The following EXOC6B variants were observed in gnomAD, a reference collection of about 807,000 sequenced individuals.
EXOC6B encodes the protein exocyst complex component 6B.
EXOC6B carries 54 observed loss-of-function variants against 113.5 expected under a neutral mutation model. The observed-to-expected ratio is 0.48, with a 90% CI of 0.38 to 0.60. EXOC6B has a LOEUF of 0.60. Ranked by LOEUF, EXOC6B falls within the 20% of genes least tolerant of loss-of-function variation. EXOC6B has a pLI of 0.00. For synonymous variants in EXOC6B, 357 were observed against 339.0 expected (o/e 1.05, Z -0.58); for missense variants, 797 against 977.5 (o/e 0.82, Z 2.46).
chr2:72,689,301 T>C (rs1677316973), intron 6 of EXOC6B, among the ~76,000 whole-genome samples: 1 of 152,212 alleles, frequency 6.6e-6, no homozygotes, highest in Non-Finnish European at 1.5e-5. Context: ...AACAGTATTA[T>C]ATCTCTAAAC....
At chr2:72,407,525 T>A (rs899271350) in intron 18 of EXOC6B, among the ~76,000 whole-genome samples, 4 of 152,284 alleles carry the variant, frequency 2.6e-5, no homozygotes, top group African/African-American at 9.6e-5. Context: ...CACGATCAAG[T>A]GGGCTTCATC....
chr2:72,352,032 C>T (rs1297068861), intron 19 of EXOC6B, among the ~76,000 whole-genome samples: 1 of 152,166 alleles, frequency 6.6e-6, no homozygotes, highest in Non-Finnish European at 1.5e-5. Context: ...TTTCAGAACA[C>T]ACTTCCTCAC....
intron 8 of EXOC6B, among the ~76,000 whole-genome samples, chr2:72,552,709 T>C (rs1703309440): frequency 6.6e-6 from 1 of 151,928 alleles, no homozygotes; most frequent in African/African-American, 2.4e-5. Context: ...GTTTATCTAA[T>C]AAACACAAGG....
intron 8 of EXOC6B, among the ~76,000 whole-genome samples, chr2:72,526,862 T>C (rs1306461881): frequency 1.3e-5 from 2 of 152,130 alleles, no homozygotes; most frequent in South Asian, 2.1e-4. Context: ...TAATTAATTA[T>C]AGATTCACAT....
chr2:72,536,419 T>A (rs1702294897), intron 8 of EXOC6B, among the ~76,000 whole-genome samples: 1 of 152,212 alleles, frequency 6.6e-6, no homozygotes, highest in Non-Finnish European at 1.5e-5. Flanking sequence ...TATTGTTTGT[T>A]ATTTATAATT....
At chr2:72,595,383 A>T (rs1363891596) in intron 6 of EXOC6B, among the ~76,000 whole-genome samples, 1 of 148,986 alleles carries the variant, frequency 6.7e-6, no homozygotes, top group African/African-American at 2.4e-5. Flanking sequence ...ATATAATTTT[A>T]AAAATAAAAA....
chr2:72,198,041 G>A (rs977071028), intron 20 of EXOC6B, among the ~76,000 whole-genome samples: 1 of 152,150 alleles, frequency 6.6e-6, no homozygotes, highest in Non-Finnish European at 1.5e-5. Context: ...CATTCCCAGA[G>A]CGTTCTCTCA....
chr2:72,725,917 A>G (rs537066736), intron 5 of EXOC6B, among the ~76,000 whole-genome samples: 1 of 152,360 alleles, frequency 6.6e-6, no homozygotes, highest in South Asian at 2.1e-4. Context: ...CTCACACAAA[A>G]GCTTGTAAAT....
chr2:72,387,713 C>T (rs1262381581), intron 18 of EXOC6B, among the ~76,000 whole-genome samples: 3 of 152,080 alleles, frequency 2.0e-5, no homozygotes, highest in East Asian at 3.9e-4. Flanking sequence ...CTATTTTCAT[C>T]CCTGACATTA....
intron 20 of EXOC6B, among the ~76,000 whole-genome samples, chr2:72,246,015 T>A (rs1465149111): frequency 6.6e-6 from 1 of 152,202 alleles, no homozygotes; most frequent in Non-Finnish European, 1.5e-5. Context: ...TCCTCAAATG[T>A]ACCAGTCTTT....
At chr2:72,265,402 C>T (rs182503672) in intron 20 of EXOC6B, among the ~76,000 whole-genome samples, 1 of 143,288 alleles carries the variant, frequency 7.0e-6, no homozygotes, top group Non-Finnish European at 1.5e-5. Context: ...ATCCCTCCCC[C>T]CTCCCCGCAC....
intron 7 of EXOC6B, among the ~76,000 whole-genome samples, chr2:72,574,111 C>CAA (rs11364486): frequency 9.1e-6 from 1 of 110,324 alleles, no homozygotes; most frequent in African/African-American, 3.4e-5. Flanking sequence ...GACTCCATCG[C>CAA]AAAAAAAAAA....
At chr2:72,259,735 T>C (rs139344408) in intron 20 of EXOC6B, among the ~76,000 whole-genome samples, 32 of 152,304 alleles carry the variant, frequency 2.1e-4, no homozygotes, top group Non-Finnish European at 4.0e-4. Context: ...TAGCATGCCA[T>C]GCTGGATTTT....
intron 20 of EXOC6B, among the ~76,000 whole-genome samples, chr2:72,245,106 G>C (rs1317699598): frequency 5.9e-5 from 9 of 152,076 alleles, no homozygotes. Flanking sequence ...ATCCCAGCAA[G>C]TTATTTTGTG....
intron 20 of EXOC6B, among the ~76,000 whole-genome samples, chr2:72,228,313 A>T (rs1290210610): frequency 1.3e-5 from 2 of 152,120 alleles, no homozygotes; most frequent in Non-Finnish European, 2.9e-5. Flanking sequence ...CATGTGCACA[A>T]CGTGCAGGTT....
At chr2:72,410,634 T>C (rs1038197060) in intron 18 of EXOC6B, among the ~76,000 whole-genome samples, 5 of 152,218 alleles carry the variant, frequency 3.3e-5, no homozygotes, top group African/African-American at 1.2e-4. Flanking sequence ...TTAAAAGATA[T>C]TACTATATTC....
chr2:72,700,150 G>A (rs1678206519), intron 6 of EXOC6B, among the ~76,000 whole-genome samples: 1 of 150,314 alleles, frequency 6.7e-6, no homozygotes, highest in Non-Finnish European at 1.5e-5. Flanking sequence ...TATTGTTTTG[G>A]TTTTCTACGA....
At chr2:72,514,597 AATAAATAAAT>A (rs1416223735) in intron 10 of EXOC6B, 27 bp downstream of exon 10, 36 of 207,314 alleles carry the variant, frequency 1.7e-4, no homozygotes, top group Middle Eastern at 1.6e-3. Context: ...TAAATAAATA[AATAAATAAAT>A]ATATATATAT....
intron 5 of EXOC6B, among the ~76,000 whole-genome samples, chr2:72,730,324 G>A (rs1296228540): frequency 6.6e-6 from 1 of 152,126 alleles, no homozygotes; most frequent in Non-Finnish European, 1.5e-5. Context: ...GAGTAAAGAT[G>A]ATTACCCTCC....
Sources: gnomAD v4.1 joint callset for allele counts (sites outside exome capture counted in the v4.1 genomes callset) on GRCh38, gnomAD v4.1.1 for gene constraint, MANE v1.5 for transcripts, NCBI Gene and HGNC (gene_info 2026-07-23, HGNC 2026-07-21) for gene names.